ARHGAP6: variants seen among roughly 807,000 people sequenced by gnomAD.
ARHGAP6 encodes the protein Rho GTPase activating protein 6, also known as rho GTPase-activating protein 6.
Under a neutral mutation model 55.7 loss-of-function variants are expected in ARHGAP6, and 16 were observed. The observed-to-expected ratio is 0.29, with a 90% CI of 0.19 to 0.44. ARHGAP6 has a LOEUF of 0.44. Among genes scored for constraint, ARHGAP6 ranks in the 20% least tolerant of loss-of-function variants. ARHGAP6 has a pLI of 1.00. For synonymous variants in ARHGAP6, 382 were observed against 360.9 expected (o/e 1.06, Z -0.66); for missense variants, 698 against 808.9 (o/e 0.86, Z 1.66).
chrX:11,335,940 C>A, intron 1 of ARHGAP6: 1 of 132,666 alleles, frequency 7.5e-6, no homozygotes, highest in South Asian at 2.2e-4. Context: ...TGGGTAGGCA[C>A]AGGACAAAGT....
intron 2 of ARHGAP6, among the ~76,000 whole-genome samples, chrX:11,232,203 T>C (rs2047140011): frequency 8.9e-6 from 1 of 112,119 alleles, no homozygotes; most frequent in African/African-American, 3.2e-5. Flanking sequence ...ACTGTATGTT[T>C]GTATCCATTG....
intron 2 of ARHGAP6, among the ~76,000 whole-genome samples, chrX:11,211,447 T>C (rs182845845): frequency 9.0e-6 from 1 of 110,543 alleles, no homozygotes; most frequent in Non-Finnish European, 1.9e-5. Flanking sequence ...AGCCAGGATG[T>C]TCTCAATCTC....
intron 1 of ARHGAP6, among the ~76,000 whole-genome samples, chrX:11,330,236 C>A (rs2048545949): frequency 8.9e-6 from 1 of 112,606 alleles, no homozygotes; most frequent in Non-Finnish European, 1.9e-5. Flanking sequence ...ATCTGCTGCA[C>A]AGCATGTTGA....
intron 1 of ARHGAP6, chrX:11,293,542 A>T (rs752021259): frequency 2.7e-5 from 3 of 111,987 alleles, no homozygotes; most frequent in Non-Finnish European, 3.8e-5. Context: ...CTTTTAAAAG[A>T]TATAAATGTA....
In ARHGAP6 at chrX:11,659,186, C is replaced by A. The variant is rs73507410; in HGVS notation, c.588+5055G>T. Among the ~76,000 whole-genome samples the A allele has an allele frequency of 6.2e-3, 690 of 111,700 alleles. 8 individuals carry two copies. Among genetic ancestry groups the A allele is most frequent in the African/African-American group, 0.022 (663 of 30,713 alleles). ...AGTATTATGTTTATATGCCAACTCC[C>A]AGTTATTTATAGGATGCATGCTTGG... On this transcript the variant is annotated intron_variant, in intron 1 of 12. Transcript: ENST00000337414.
intron 1 of ARHGAP6, among the ~76,000 whole-genome samples, chrX:11,422,148 A>T: frequency 9.0e-6 from 1 of 111,584 alleles, no homozygotes; most frequent in African/African-American, 3.3e-5. Flanking sequence ...GATGTGAACA[A>T]TGAGGGAAGT....
In ARHGAP6 at chrX:11,394,825, G is replaced by C. The variant is rs989479507; in HGVS notation, c.589-140118C>G. 4.5e-5 allele frequency among the ~76,000 whole-genome samples: 5 copies of C among 111,720 alleles called. No individual in the cohort carries two copies. The Admixed American group carries it at 4.7e-4, about 11-fold the overall frequency. ...ACACACCAGACTTCTAAGAAATTCA[G>C]CTTTCTAAAATCAGAAGCAAAAAAG... On this transcript the variant is annotated intron_variant, in intron 1 of 12. Transcript: ENST00000337414.
chrX:11,549,635 T>C (rs954601365), intron 1 of ARHGAP6, among the ~76,000 whole-genome samples: 2 of 112,141 alleles, frequency 1.8e-5, no homozygotes, highest in African/African-American at 6.5e-5. Context: ...TCCAAGCTTC[T>C]GCATTTCTCA....
At chrX:11,210,871 CTAT>C (rs755250751) in intron 2 of ARHGAP6, among the ~76,000 whole-genome samples, 1 of 111,559 alleles carries the variant, frequency 9.0e-6, no homozygotes, top group African/African-American at 3.3e-5. Context: ...TCTTTTGCTA[CTAT>C]TATTATGAAA....
chrX:11,222,194 TACTG>T (rs758906044), intron 2 of ARHGAP6, among the ~76,000 whole-genome samples: 2 of 112,425 alleles, frequency 1.8e-5, no homozygotes, highest in South Asian at 7.3e-4. Context: ...ATATTAGTTG[TACTG>T]ACTGTTATAG....
At position 11,254,459 on chromosome X, in the gene ARHGAP6, G is replaced by C. The variant is rs959953495; in HGVS notation, c.748+89C>G. 21 of 1,047,302 alleles carry C rather than the reference G, an allele frequency of 2.0e-5. No homozygotes were observed. The African/African-American group carries it at 4.0e-4, about 20-fold the overall frequency. 86.3% of individuals were successfully genotyped at this position (1,047,302 alleles called of 1,213,427 possible). A position where few individuals can be genotyped will look rare whatever the true frequency, so the allele number is the denominator to read the frequency against. ...TAGTTTCCTTCCTGTGTGAATATTA[G>C]GTGTGAGAAGAGTTCACAGCTCACG... On this transcript the variant is annotated intron_variant, in intron 2 of 12. Transcript: ENST00000337414.
At chrX:11,190,013 T>C (rs2046433830) in intron 3 of ARHGAP6, among the ~76,000 whole-genome samples, 1 of 112,216 alleles carries the variant, frequency 8.9e-6, no homozygotes, top group Admixed American at 9.5e-5. Flanking sequence ...ACTAAAATGA[T>C]CAAGGGAAAA....
At chrX:11,662,181 G>A (rs764534183) in intron 1 of ARHGAP6, among the ~76,000 whole-genome samples, 109 of 112,239 alleles carry the variant, frequency 9.7e-4, no homozygotes, top group Non-Finnish European at 1.8e-3. Flanking sequence ...GACTCAGCTT[G>A]CCTGCAAGTG....
intron 10 of ARHGAP6, among the ~76,000 whole-genome samples, chrX:11,151,500 C>T (rs1431910585): frequency 1.8e-5 from 2 of 110,932 alleles, no homozygotes; most frequent in African/African-American, 6.6e-5. Flanking sequence ...GACTCCTGGT[C>T]TTGCATTCTT....
intron 1 of ARHGAP6, among the ~76,000 whole-genome samples, chrX:11,371,696 T>G (rs920253262): frequency 8.9e-6 from 1 of 112,345 alleles, no homozygotes; most frequent in Admixed American, 9.4e-5. Context: ...AATGCCTAGT[T>G]TTATATATTG....
chrX:11,156,462 A>G, intron 10 of ARHGAP6, 67 bp downstream of exon 10: 1 of 1,038,807 alleles, frequency 9.6e-7, no homozygotes, highest in Non-Finnish European at 1.3e-6. Flanking sequence ...AAACCTTTCC[A>G]ATTTCTCAGA....
rs1050129857 is a variant in ARHGAP6 at position 11,407,466 on chromosome X, A to C, written c.589-152759T>G. Among the ~76,000 whole-genome samples, 8 of 112,146 alleles carry C rather than the reference A, an allele frequency of 7.1e-5. No individual in the cohort carries two copies. The East Asian group carries it at 2.2e-3, about 31-fold the overall frequency. ...AATAATGCATGTGCATTCATGTATA[A>C]GTTTTTTGTGTACACACATTTCATT... On this transcript the variant is annotated intron_variant, in intron 1 of 12. Transcript: ENST00000337414.
Position 11,592,810 on chromosome X carries a change from T to A in ARHGAP6, c.588+71431A>T, listed in dbSNP as rs746873342. Among the ~76,000 whole-genome samples the A allele has an allele frequency of 9.0e-5, 10 of 111,554 alleles. No individual in the cohort carries two copies. The South Asian group carries it at 3.0e-3, about 34-fold the overall frequency. On this transcript the variant is annotated intron_variant, in intron 1 of 12. Coordinates refer to ENST00000337414, the MANE Select transcript of ARHGAP6 (RefSeq NM_013427.3). ...AGAAGACAAGGAGTTGTTTGTTAGCTCAGAGGAACCTGTTGGTGGTAGGGG... is the reference window on the plus strand; with the variant it reads ...AGAAGACAAGGAGTTGTTTGTTAGCACAGAGGAACCTGTTGGTGGTAGGGG...
chrX:11,562,697 G>C (rs1456952511), intron 1 of ARHGAP6, among the ~76,000 whole-genome samples: 2 of 110,073 alleles, frequency 1.8e-5, no homozygotes, highest in Non-Finnish European at 3.8e-5. Flanking sequence ...AGAGTAGCAG[G>C]CATTACCCTA....
Sources: gnomAD v4.1 joint callset for allele counts (sites outside exome capture counted in the v4.1 genomes callset) on GRCh38, gnomAD v4.1.1 for gene constraint, MANE v1.5 for transcripts, NCBI Gene and HGNC (gene_info 2026-07-23, HGNC 2026-07-21) for gene names.